Variants in MLIP observed in about 807,000 individuals in gnomAD.
MLIP encodes the protein muscular LMNA-interacting protein.
In MLIP, 79 loss-of-function variants were observed where a neutral mutation model predicts 84.8. The observed-to-expected ratio is 0.93, with a 90% CI of 0.78 to 1.12. MLIP has a LOEUF of 1.12. Among genes scored for constraint, MLIP ranks in the 50% most tolerant of loss-of-function variants. The probability of loss-of-function intolerance (pLI) is 0.00; values close to 1 mark genes in which losing one functional copy is unlikely to be tolerated. For synonymous variants in MLIP, 504 were observed against 463.0 expected (o/e 1.09, Z -1.14); for missense variants, 1,257 against 1,160.6 (o/e 1.08, Z -1.21).
intron 5 of MLIP, among the ~76,000 whole-genome samples, chr6:54,152,312 G>C (rs940821722): frequency 6.6e-6 from 1 of 152,106 alleles, no homozygotes; most frequent in Admixed American, 6.6e-5. Context: ...GATAAAATAA[G>C]TTGATATGGA....
intron 11 of MLIP, among the ~76,000 whole-genome samples, chr6:54,229,918 G>A (rs534752142): frequency 6.6e-6 from 1 of 152,012 alleles, no homozygotes; most frequent in African/African-American, 2.4e-5. Flanking sequence ...GGCCCTTTTT[G>A]CAACTTTTCT....
At chr6:54,152,058 A>G (rs75674194) in intron 5 of MLIP, among the ~76,000 whole-genome samples, 4,397 of 152,194 alleles carry the variant, frequency 0.029, 219 homozygotes, top group African/African-American at 0.1. Flanking sequence ...TCCCCTGTGA[A>G]CCTTTAAGAA....
intron 11 of MLIP, chr6:54,216,340 C>T: frequency 2.0e-6 from 2 of 985,302 alleles, no homozygotes; most frequent in South Asian, 9.4e-5. Context: ...GCTCCTCCAT[C>T]CTAAACACCT....
At chr6:54,213,734 A>AAAAAAAAAAAAAC (rs368508685) in intron 11 of MLIP, among the ~76,000 whole-genome samples, 1 of 82,366 alleles carries the variant, frequency 1.2e-5, no homozygotes, top group African/African-American at 4.5e-5. Context: ...AAAAAAAAAA[A>AAAAAAAAAAAAAC]AACAACAAAC....
chr6:54,107,304 A>C (rs1769087571), upstream of MLIP, among the ~76,000 whole-genome samples: 1 of 152,234 alleles, frequency 6.6e-6, no homozygotes, highest in African/African-American at 2.4e-5. Flanking sequence ...ATAGCGGTAT[A>C]CTACTATAAG....
At chr6:54,091,807 A>G (rs141198712) in intron 1 of MLIP, among the ~76,000 whole-genome samples, 1 of 152,308 alleles carries the variant, frequency 6.6e-6, no homozygotes, top group African/African-American at 2.4e-5. Context: ...TTGTTGTTTC[A>G]GAACTTGTAA....
rs563137608 is a variant in MLIP at position 54,163,335 on chromosome 6, AC to A, written c.2499+2538del. 9.9e-4 allele frequency among the ~76,000 whole-genome samples: 151 copies of A among 151,942 alleles called. 1 individual carries two copies. The highest frequency in any genetic ancestry group is 3.5e-3 in the African/African-American group (146 of 41,510). ...TTTTACATTCAATTAGATTCTATTTACCAGGGACTTTAAGCCATTTATAATT... is the reference window on the plus strand; with the variant it reads ...TTTTACATTCAATTAGATTCTATTTACAGGGACTTTAAGCCATTTATAATT... On this transcript the variant is annotated intron_variant, in intron 8 of 13. Transcript: ENST00000502396.
At chr6:54,170,224 A>T (rs1775635294) in intron 9 of MLIP, among the ~76,000 whole-genome samples, 1 of 151,722 alleles carries the variant, frequency 6.6e-6, no homozygotes, top group Non-Finnish European at 1.5e-5. Context: ...TAGAAACAAG[A>T]TTATCTCCTT....
At chr6:54,115,900 T>C (rs1769874408) in intron 1 of MLIP, among the ~76,000 whole-genome samples, 1 of 152,180 alleles carries the variant, frequency 6.6e-6, no homozygotes, top group African/African-American at 2.4e-5. Flanking sequence ...GAGAGAACCA[T>C]GTTTTAGTTA....
chr6:54,068,050 TCC>T (rs1766298424), intron 1 of MLIP, among the ~76,000 whole-genome samples: 1 of 60,494 alleles, frequency 1.7e-5, no homozygotes, highest in African/African-American at 3.6e-5. Context: ...TTTCCTTCCT[TCC>T]TTCCTTCCTT....
intron 1 of MLIP, among the ~76,000 whole-genome samples, chr6:54,121,074 G>A (rs1042539973): frequency 2.0e-4 from 31 of 152,058 alleles, no homozygotes; most frequent in South Asian, 2.1e-4. Flanking sequence ...AAATTGAACC[G>A]GCTAACCCAG....
At chr6:54,111,346 C>T, upstream of MLIP, 3 of 1,401,590 alleles carry the variant, frequency 2.1e-6, no homozygotes, top group Admixed American at 2.9e-5. Context: ...CACAATTCCT[C>T]AATTTTGGAA....
intron 11 of MLIP, among the ~76,000 whole-genome samples, chr6:54,219,968 A>T (rs1349611800): frequency 2.0e-5 from 3 of 151,988 alleles, no homozygotes; most frequent in East Asian, 3.9e-4. Flanking sequence ...TGACTTTATT[A>T]AAAAAAACCT....
At chr6:54,043,203 C>T (rs71558852) in intron 1 of MLIP, 15,828 of 152,208 alleles carry the variant, frequency 0.1, 1,333 homozygotes, top group African/African-American at 0.24. Flanking sequence ...TTGGGTATAG[C>T]CTGAGGCCGT....
At chr6:54,197,777 T>G (rs1778401689) in intron 10 of MLIP, among the ~76,000 whole-genome samples, 1 of 152,108 alleles carries the variant, frequency 6.6e-6, no homozygotes, top group Admixed American at 6.6e-5. Flanking sequence ...CTAGTTTAGT[T>G]GTAATATTGC....
At chr6:54,034,606 A>C (rs1764321769) in intron 1 of MLIP, among the ~76,000 whole-genome samples, 1 of 152,164 alleles carries the variant, frequency 6.6e-6, no homozygotes, top group African/African-American at 2.4e-5. Flanking sequence ...TAAGAAGAAA[A>C]TACTTTTTGT....
intron 1 of MLIP, among the ~76,000 whole-genome samples, chr6:54,077,159 A>T (rs989241103): frequency 1.3e-5 from 2 of 152,220 alleles, no homozygotes; most frequent in Non-Finnish European, 2.9e-5. Context: ...CAAGGCTGCC[A>T]TACTATCTTA....
rs1343320931 is a variant in MLIP at position 54,111,577 on chromosome 6, T to C, written c.96+2T>C. 1 of 1,535,966 alleles carries C rather than the reference T, an allele frequency of 6.5e-7. No homozygotes were observed. The highest frequency in any genetic ancestry group is 2.0e-5 in the Admixed American group (1 of 51,000). The stretch of plus-strand genomic sequence containing the variant: ...GGGAGCATTCAGACCACACCCCAGG[T>C]AAAAGGAAGTCTTTGCTTAATGCTT... On this transcript the variant is annotated splice_donor_variant, in intron 1 of 13. Coordinates refer to ENST00000502396, the MANE Select transcript of MLIP (RefSeq NM_001281747.2). LOFTEE classifies it high-confidence loss of function.
In MLIP at chr6:54,242,516, A is replaced by G. The variant is rs539569229; in HGVS notation, c.2922+11599A>G. ...TGATTTTTTTTGGTAGCTCCTCTGAAATATTTTTTGCCAGAGGTTTCTTCT... is the reference window on the plus strand; with the variant it reads ...TGATTTTTTTTGGTAGCTCCTCTGAGATATTTTTTGCCAGAGGTTTCTTCT... On this transcript the variant is annotated intron_variant, in intron 12 of 13. Transcript: ENST00000502396. Among the ~76,000 whole-genome samples, 15 of 152,254 alleles carry G rather than the reference A, an allele frequency of 9.9e-5. No individual in the cohort carries two copies. In the South Asian group the frequency reaches 3.1e-3, roughly 32 times the overall value.
Sources: allele counts gnomAD v4.1 joint callset (sites outside exome capture counted in the v4.1 genomes callset), GRCh38; gene constraint gnomAD v4.1.1; transcripts MANE v1.5; gene names NCBI Gene and HGNC (gene_info 2026-07-23, HGNC 2026-07-21).